Variants in PCDHGA5 observed in about 807,000 individuals in gnomAD.
The protein encoded by PCDHGA5 is protocadherin gamma subfamily A, 5.
A neutral mutation model predicts 56.7 loss-of-function variants in PCDHGA5; 36 were observed. The ratio of observed to expected loss-of-function variants is 0.64; its 90% CI spans 0.49 to 0.84. The LOEUF is 0.84. Ranked by LOEUF, PCDHGA5 falls within the 40% of genes least tolerant of loss-of-function variation. The probability of loss-of-function intolerance (pLI) is 0.00; values close to 1 mark genes in which losing one functional copy is unlikely to be tolerated. For missense variants in PCDHGA5, 1,305 were observed against 1,201.5 expected (o/e 1.09, Z -1.27); for synonymous variants, 563 against 520.2 (o/e 1.08, Z -1.12).
Position 141,491,754 on chromosome 5 carries a change from C to T in PCDHGA5, c.2422-3053C>T. ...CCCCTGGGGGCGGCACTGGAGAAGC[C>T]GCCCGTCCTCATAAGGGATTGAACT... On this transcript the variant is annotated intron_variant, in intron 1 of 3. Transcript: ENST00000518069. The surrounding 1 kb of genome is among the most constrained non-coding windows in gnomAD (Gnocchi z 6.9). 5.7e-6 allele frequency: 9 copies of T among 1,582,682 alleles called. No individual in the cohort carries two copies. The highest frequency in any genetic ancestry group is 7.7e-6 in the Non-Finnish European group (9 of 1,165,614).
At chr5:141,404,320 C>T (rs577477279) in intron 1 of PCDHGA5, 8 of 1,613,920 alleles carry the variant, frequency 5.0e-6, no homozygotes, top group Admixed American at 1.7e-5. Flanking sequence ...CTCAAGCCTC[C>T]TACTCAGTCT....
At chr5:141,427,570 C>A in intron 1 of PCDHGA5, 1 of 662,270 alleles carries the variant, frequency 1.5e-6, no homozygotes, top group Non-Finnish European at 2.8e-6. Flanking sequence ...GGCAAGCCTC[C>A]GCTCTCATCC....
intron 1 of PCDHGA5, among the ~76,000 whole-genome samples, chr5:141,381,166 C>A (rs1402987548): frequency 6.6e-6 from 1 of 152,204 alleles, no homozygotes; most frequent in Non-Finnish European, 1.5e-5. Context: ...ACTTAGGAGC[C>A]TCCCACAAAA....
At chr5:141,481,180 T>C (rs1354907506) in intron 1 of PCDHGA5, among the ~76,000 whole-genome samples, 1 of 152,236 alleles carries the variant, frequency 6.6e-6, no homozygotes, top group Admixed American at 6.5e-5. Flanking sequence ...CCAGCTTTAT[T>C]GGGCCAGGCC....
chr5:141,389,657 G>A lies in PCDHGA5; in HGVS notation c.2421+22906G>A, dbSNP rs372714152. The stretch of plus-strand genomic sequence containing the variant: ...GCTACTTGGTGACCAAGGTAGTGGC[G>A]GTGGACGCAGACTCAGGACACAACG... On this transcript the variant is annotated intron_variant, in intron 1 of 3. Transcript: ENST00000518069. The A allele has an allele frequency of 6.2e-5, 100 of 1,612,554 alleles. 2 individuals are homozygous for A. In the African/African-American group the frequency reaches 1.0e-3, roughly 17 times the overall value.
chr5:141,449,283 A>C (rs937339676), intron 1 of PCDHGA5, among the ~76,000 whole-genome samples: 1 of 152,102 alleles, frequency 6.6e-6, no homozygotes, highest in African/African-American at 2.4e-5. Flanking sequence ...CTTCACCCGG[A>C]TGCACCGGGT....
In PCDHGA5 at chr5:141,432,469, C is replaced by A; in HGVS notation, c.2422-62338C>A. On this transcript the variant is annotated intron_variant, in intron 1 of 3. Coordinates refer to ENST00000518069, the MANE Select transcript of PCDHGA5 (RefSeq NM_018918.3). The surrounding 1 kb of genome is among the most constrained non-coding windows in gnomAD (Gnocchi z 6.0). ...TCCTGTACCCCGCCCTCCCCACGGA[C>A]GGTTCCACTGGCGTGGAGCTGGCTC... 6.2e-7 allele frequency: 1 copy of A among 1,614,218 alleles called. No individual in the cohort carries two copies.
intron 1 of PCDHGA5, among the ~76,000 whole-genome samples, chr5:141,463,438 C>CTTTTTTTTT (rs71576115): frequency 4.8e-5 from 5 of 103,252 alleles, no homozygotes; most frequent in African/African-American, 2.2e-4. Context: ...TTTCCTTCTC[C>CTTTTTTTTT]TTTTTTTTTT....
At chr5:141,405,473 G>A in intron 1 of PCDHGA5, 3 of 1,066,958 alleles carry the variant, frequency 2.8e-6, no homozygotes, top group Non-Finnish European at 4.0e-6. Flanking sequence ...AGGCTGGAAT[G>A]CAGTGGTGTG....
Position 141,407,988 on chromosome 5 carries a change from C to T in PCDHGA5, c.2421+41237C>T, listed in dbSNP as rs923527525. 1.3e-4 allele frequency: 104 copies of T among 827,076 alleles called. 1 individual carries two copies. The highest frequency in any genetic ancestry group is 3.7e-4 in the Middle Eastern group (1 of 2,684). 51.2% of individuals were successfully genotyped at this position (827,076 alleles called of 1,614,324 possible). ...GCGCTGACGCCGGGGATCCGTCAGC[C>T]TCTGGCCTGGGATTCCCTGCGCAGC... On this transcript the variant is annotated intron_variant, in intron 1 of 3. Transcript: ENST00000518069.
intron 1 of PCDHGA5, among the ~76,000 whole-genome samples, chr5:141,382,133 T>A (rs1420684997): frequency 6.6e-6 from 1 of 152,068 alleles, no homozygotes; most frequent in Non-Finnish European, 1.5e-5. Context: ...TGGCCCCCCC[T>A]CTCATTTTTT....
Position 141,372,598 on chromosome 5 carries a change from C to CTGTA in PCDHGA5, c.2421+5848_2421+5851dup, listed in dbSNP as rs763694061. The CTGTA allele has an allele frequency of 6.2e-6, 10 of 1,614,046 alleles. No individual in the cohort carries two copies. In the South Asian group the frequency reaches 1.1e-4, roughly 18 times the overall value. On this transcript the variant is annotated intron_variant, in intron 1 of 3. Coordinates refer to ENST00000518069, the MANE Select transcript of PCDHGA5 (RefSeq NM_018918.3). ...TTTCAGCCTGGTGTCTGCTTCAAGA[C>CTGTA]TGTACCTGGAGTTCTCCCCACCTAC...
chr5:141,489,594 T>A lies in PCDHGA5; in HGVS notation c.2422-5213T>A. The A allele has an allele frequency of 2.5e-6, 4 of 1,614,076 alleles. No homozygotes were observed. Among genetic ancestry groups the A allele is most frequent in the Non-Finnish European group, 3.4e-6 (4 of 1,179,982 alleles). ...CTGAACACCCCCTGGAGCTAATCCG[T>A]GTAGAGGTAGAGATCCTGGATCTCA... On this transcript the variant is annotated intron_variant, in intron 1 of 3. Coordinates refer to ENST00000518069, the MANE Select transcript of PCDHGA5 (RefSeq NM_018918.3). This position sits in a 1 kb window ranked among gnomAD's most constrained non-coding sequence, Gnocchi z 4.5.
chr5:141,447,481 A>G lies in PCDHGA5; in HGVS notation c.2422-47326A>G, dbSNP rs141192758. 3.9e-3 allele frequency among the ~76,000 whole-genome samples: 591 copies of G among 152,326 alleles called. 6 individuals carry two copies. The highest frequency in any genetic ancestry group is 0.011 in the Admixed American group (170 of 15,286). ...TTTTCTTCACCATCTGTAAAACTGC[A>G]TAGAAGGAATGTTTAGGATAAAAGA... On this transcript the variant is annotated intron_variant, in intron 1 of 3. Transcript: ENST00000518069.
chr5:141,418,517 C>G, intron 1 of PCDHGA5: 1 of 1,613,918 alleles, frequency 6.2e-7, no homozygotes. Flanking sequence ...TGGTGGGGAC[C>G]CTCCCCGAAG....
At chr5:141,478,467 G>T (rs2099457769) in intron 1 of PCDHGA5, 1 of 1,613,656 alleles carries the variant, frequency 6.2e-7, no homozygotes, top group South Asian at 1.1e-5. Flanking sequence ...CCACTGGCCA[G>T]CCGCCAGAAC....
chr5:141,376,737 A>C, intron 1 of PCDHGA5: 1 of 500,806 alleles, frequency 2.0e-6, no homozygotes, highest in Non-Finnish European at 3.3e-6. Context: ...CGGACTGCGG[A>C]CTGCAGTGGC....
intron 1 of PCDHGA5, chr5:141,392,231 C>T (rs1225616326): frequency 6.6e-6 from 1 of 152,078 alleles, no homozygotes; most frequent in Non-Finnish European, 1.5e-5. Context: ...AACTGAAGTT[C>T]TTAGTTATTT....
At position 141,402,613 on chromosome 5, in the gene PCDHGA5, A is replaced by G. The variant is rs145557523; in HGVS notation, c.2421+35862A>G. Among the ~76,000 whole-genome samples the G allele has an allele frequency of 3.8e-3, 581 of 152,376 alleles. 6 individuals are homozygous for G. Among genetic ancestry groups the G allele is most frequent in the Admixed American group, 0.011 (170 of 15,298 alleles). The stretch of plus-strand genomic sequence containing the variant: ...AGATTGCTTTTGAAATACAAATGCA[A>G]GAAACAATTGGAGAAATCTAAAATC... On this transcript the variant is annotated intron_variant, in intron 1 of 3. Coordinates refer to ENST00000518069, the MANE Select transcript of PCDHGA5 (RefSeq NM_018918.3).
Sources: gnomAD v4.1 joint callset for allele counts (sites outside exome capture counted in the v4.1 genomes callset) on GRCh38, gnomAD v4.1.1 for gene constraint, Gnocchi (gnomAD v3.1) non-coding constraint, MANE v1.5 for transcripts, NCBI Gene and HGNC (gene_info 2026-07-23, HGNC 2026-07-21) for gene names.